Variants in ITGB8 observed in about 807,000 individuals in gnomAD.
ITGB8 encodes integrin subunit beta 8.
Under a neutral mutation model 89.5 loss-of-function variants are expected in ITGB8, and 30 were observed. The observed-to-expected ratio is 0.34, with a 90% confidence interval of 0.25 to 0.45. ITGB8 has a LOEUF of 0.45. ITGB8 is among the 20% of genes least tolerant of loss of function. The probability of loss-of-function intolerance (pLI) is 1.00; values close to 1 mark genes in which losing one functional copy is unlikely to be tolerated. For synonymous variants in ITGB8, 335 were observed against 320.4 expected (o/e 1.05, Z -0.49); for missense variants, 836 against 933.3 (o/e 0.90, Z 1.36).
In ITGB8 at chr7:20,398,871, A is replaced by G; in HGVS notation, c.1158A>G (p.Ser386=). ...TAATGTCTCTGCAGAAGCTCATTTC[A>G]GAAGTGAAAGTTCAGGTGGAAAACC... ...LVVEAYQKLI[S]EVKVQVENQV... is the part of the protein sequence containing the mutation. The change falls in exon 9 of 14, where the codon TCA becomes TCG. Residue 386 remains serine, a synonymous_variant. Transcript: ENST00000222573. 1 of 1,587,552 alleles carries G rather than the reference A, an allele frequency of 6.3e-7. No individual in the cohort carries two copies. The highest frequency in any genetic ancestry group is 1.8e-5 in the Admixed American group (1 of 54,112).
At chr7:20,347,056 C>G (rs532603458) in intron 1 of ITGB8, among the ~76,000 whole-genome samples, 2 of 152,180 alleles carry the variant, frequency 1.3e-5, no homozygotes, top group Admixed American at 6.5e-5. Context: ...ACTCGTCTGT[C>G]CCTTCTGCCA....
chr7:20,362,171 C>T (rs372384692), intron 1 of ITGB8, among the ~76,000 whole-genome samples: 5 of 152,266 alleles, frequency 3.3e-5, no homozygotes, highest in Admixed American at 1.3e-4. Flanking sequence ...CCTCTCATCC[C>T]CTTCCACCTC....
At chr7:20,333,774 G>A (rs1382336001) in intron 1 of ITGB8, among the ~76,000 whole-genome samples, 1 of 152,070 alleles carries the variant, frequency 6.6e-6, no homozygotes, top group Admixed American at 6.5e-5. Flanking sequence ...ATATACAAAG[G>A]TTTCTGATGT....
intron 1 of ITGB8, among the ~76,000 whole-genome samples, chr7:20,356,001 C>A (rs1371660755): frequency 6.6e-6 from 1 of 152,200 alleles, no homozygotes; most frequent in Non-Finnish European, 1.5e-5. Context: ...TTTGAGGGAT[C>A]ATCTCAGACA....
chr7:20,389,902 A>G (rs1319916956), intron 6 of ITGB8, among the ~76,000 whole-genome samples: 1 of 151,726 alleles, frequency 6.6e-6, no homozygotes, highest in Non-Finnish European at 1.5e-5. Flanking sequence ...AACTTTTCCT[A>G]TGCAGACCTA....
intron 1 of ITGB8, among the ~76,000 whole-genome samples, chr7:20,335,714 A>G (rs916206218): frequency 1.3e-5 from 2 of 152,104 alleles, no homozygotes; most frequent in African/African-American, 2.4e-5. Context: ...GGCTTTCTTT[A>G]TCACCTCTGC....
At position 20,410,049 on chromosome 7, in the gene ITGB8, C is replaced by A. The variant is rs186202784; in HGVS notation, c.*52C>A. 1.5e-5 allele frequency: 24 copies of A among 1,553,644 alleles called. No individual in the cohort carries two copies. In the Admixed American group the frequency reaches 3.2e-4, roughly 21 times the overall value. ...AAACTGGAATTGTTAATAATTGCTC[C>A]TAAAGATTATAATTTTAAAAGTCAC... On this transcript the variant is annotated 3_prime_UTR_variant, in exon 14 of 14. Transcript: ENST00000222573.
Position 20,379,044 on chromosome 7 carries a change from G to T in ITGB8, c.389-7G>T. ...GACTACATGATGTTTTTCTTCTATT[G>T]AACTAGGAGCCGAAGCTAATTTTAT... is the stretch of plus-strand genomic sequence containing the variant. On this transcript the variant is annotated splice_polypyrimidine_tract_variant and splice_region_variant and intron_variant, in intron 3 of 13. Transcript: ENST00000222573. 6.4e-7 allele frequency: 1 copy of T among 1,572,732 alleles called. No individual in the cohort carries two copies. Among genetic ancestry groups the T allele is most frequent in the South Asian group, 1.2e-5 (1 of 83,810 alleles).
chr7:20,353,931 C>CAAAAAAAAAA (rs1158594685), intron 1 of ITGB8, among the ~76,000 whole-genome samples: 101 of 55,546 alleles, frequency 1.8e-3, no homozygotes, highest in Non-Finnish European at 2.0e-3. Context: ...GACTCCGTCT[C>CAAAAAAAAAA]AAAAAAAAAA....
Position 20,379,314 on chromosome 7 carries a change from G to A in ITGB8, c.635+17G>A, listed in dbSNP as rs79652999. 0.013 allele frequency: 19,127 copies of A among 1,510,050 alleles called. 187 individuals carry two copies. Among genetic ancestry groups the A allele is most frequent in the Non-Finnish European group, 0.015 (17,163 of 1,123,390 alleles). The allele number at this position is 1,510,050 out of a possible 1,614,324, so 93.5% of individuals were successfully genotyped here. On this transcript the variant is annotated intron_variant, in intron 4 of 13. Coordinates refer to ENST00000222573, the MANE Select transcript of ITGB8 (RefSeq NM_002214.3). ...TCAATGCAGGTATCTAGGGTTTGATGTGGATATGCTAAATTAATTTTTTGC... is the reference window on the plus strand; with the variant it reads ...TCAATGCAGGTATCTAGGGTTTGATATGGATATGCTAAATTAATTTTTTGC...
chr7:20,404,720 G>C lies in ITGB8; in HGVS notation c.1780G>C (p.Val594Leu). The part of the protein sequence containing the change: ...QCPSAAAQHC[V>L]NSKGQVCSGR... ...CCCTTCAGCAGCAGCCCAGCACTGT[G>C]TCAATTCAAAGGGCCAAGTGTGCAG... Residue 594 changes from valine (V) to leucine (L), a missense_variant, in exon 11 of 14, where the codon GTC (valine) becomes CTC (leucine). By Grantham distance (32) the Val-to-Leu change is conservative (BLOSUM62 1). Coordinates refer to ENST00000222573, the MANE Select transcript of ITGB8 (RefSeq NM_002214.3). The C allele has an allele frequency of 1.2e-6, 2 of 1,614,214 alleles. No individual in the cohort carries two copies. The highest frequency in any genetic ancestry group is 1.7e-6 in the Non-Finnish European group (2 of 1,180,038).
chr7:20,340,380 G>T (rs1400635881), intron 1 of ITGB8, among the ~76,000 whole-genome samples: 2 of 152,228 alleles, frequency 1.3e-5, no homozygotes, highest in African/African-American at 2.4e-5. Context: ...GAGTTTGGAA[G>T]TGGAGAGAAG....
In ITGB8 at chr7:20,342,930, T is replaced by C. The variant is rs188044307; in HGVS notation, c.127+10997T>C. Among the ~76,000 whole-genome samples the C allele has an allele frequency of 5.9e-5, 9 of 152,342 alleles. No homozygotes were observed. The East Asian group carries it at 1.5e-3, about 26-fold the overall frequency. ...AATCAATGGATATGCAGTGTGGGTCTGACAAGGTGAAGAGACATCCTATTG... is the reference window on the plus strand; with the variant it reads ...AATCAATGGATATGCAGTGTGGGTCCGACAAGGTGAAGAGACATCCTATTG... On this transcript the variant is annotated intron_variant, in intron 1 of 13. Transcript: ENST00000222573.
intron 1 of ITGB8, among the ~76,000 whole-genome samples, chr7:20,344,025 AGCACCT>A (rs1169791275): frequency 1.3e-5 from 2 of 152,156 alleles, no homozygotes; most frequent in Non-Finnish European, 2.9e-5. Context: ...TCATTGCTTG[AGCACCT>A]GCTCAGTGCA....
chr7:20,369,808 A>G (rs1262929492), intron 3 of ITGB8, among the ~76,000 whole-genome samples: 1 of 152,176 alleles, frequency 6.6e-6, no homozygotes, highest in Non-Finnish European at 1.5e-5. Context: ...ATAATAAATA[A>G]ATATTAAATA....
chr7:20,405,208 A>G (rs902791715), intron 11 of ITGB8, among the ~76,000 whole-genome samples: 1 of 152,076 alleles, frequency 6.6e-6, no homozygotes, highest in Non-Finnish European at 1.5e-5. Context: ...ACCTTGCTGT[A>G]TATCTGTGAA....
At chr7:20,381,639 C>T (rs903379049) in intron 5 of ITGB8, 88 bp from the exon 6 acceptor site, 7 of 985,620 alleles carry the variant, frequency 7.1e-6, no homozygotes, top group African/African-American at 6.5e-5. Context: ...TACTGTTCGT[C>T]AACTCAAACG....
chr7:20,406,026 A>G, intron 11 of ITGB8, 36 bp from the exon 12 acceptor site: 1 of 1,235,832 alleles, frequency 8.1e-7, no homozygotes, highest in Non-Finnish European at 1.2e-6. Flanking sequence ...CACCTTTTTA[A>G]AGAATAAATA....
chr7:20,348,416 G>A (rs933527663), intron 1 of ITGB8, among the ~76,000 whole-genome samples: 2 of 152,218 alleles, frequency 1.3e-5, no homozygotes, highest in African/African-American at 4.8e-5. Context: ...CCATGTTTTA[G>A]AGTTCTTGAA....
Sources: allele counts gnomAD v4.1 joint callset (sites outside exome capture counted in the v4.1 genomes callset), GRCh38; gene constraint gnomAD v4.1.1; transcripts MANE v1.5; gene names NCBI Gene and HGNC (gene_info 2026-07-23, HGNC 2026-07-21).